Variants in SPECC1 observed in about 807,000 individuals in gnomAD.
The protein encoded by SPECC1 is sperm antigen with calponin homology and coiled-coil domains 1, also known as cytospin-B.
In SPECC1, 62 loss-of-function variants were observed where a neutral mutation model predicts 104.1. The observed-to-expected ratio is 0.60, with a 90% CI of 0.49 to 0.74. The LOEUF is 0.74. Among genes scored for constraint, SPECC1 ranks in the 30% least tolerant of loss-of-function variants. The pLI, the probability that SPECC1 is intolerant of heterozygous loss-of-function variation, is 0.00. For synonymous variants in SPECC1, 513 were observed against 501.6 expected (o/e 1.02, Z -0.30); for missense variants, 1,306 against 1,310.5 (o/e 1.00, Z 0.05).
intron 3 of SPECC1, chr17:20,112,727 G>A (rs770849402): frequency 7.5e-6 from 9 of 1,201,444 alleles, no homozygotes; most frequent in Non-Finnish European, 9.9e-6. Context: ...CGGTCTTAAA[G>A]CCAATTTAGA....
chr17:20,013,116 T>C (rs2152425943), intron 1 of SPECC1, among the ~76,000 whole-genome samples: 1 of 152,374 alleles, frequency 6.6e-6, no homozygotes, highest in South Asian at 2.1e-4. Context: ...AAAGGATATT[T>C]ATGTTGGTTC....
In SPECC1 at chr17:20,110,624, C is replaced by A. The variant is rs1335193545; in HGVS notation, c.283+62C>A. 1.6e-5 allele frequency: 24 copies of A among 1,524,158 alleles called. No homozygotes were observed. The South Asian group carries it at 2.8e-4, about 17-fold the overall frequency. The allele number at this position is 1,524,158 out of a possible 1,614,324, so 94.4% of individuals were successfully genotyped here. On this transcript the variant is annotated intron_variant, in intron 3 of 14. Coordinates refer to ENST00000395527, the MANE Select transcript of SPECC1 (RefSeq NM_001243439.2). ...CAGTCCTGGCCGCATGGAAGCACTT[C>A]AGTGACCCATGACCCATCCATTCCT...
chr17:20,025,824 A>G (rs1048396599), intron 1 of SPECC1, among the ~76,000 whole-genome samples: 4 of 152,138 alleles, frequency 2.6e-5, no homozygotes, highest in Non-Finnish European at 4.4e-5. Flanking sequence ...TACATTCCCA[A>G]CAGCAGCGAA....
intron 1 of SPECC1, among the ~76,000 whole-genome samples, chr17:20,076,958 A>G (rs948130903): frequency 6.6e-6 from 1 of 152,224 alleles, no homozygotes; most frequent in South Asian, 2.1e-4. Context: ...CATTTTTTAC[A>G]TGCTTGTTTA....
chr17:20,059,760 G>A (rs2046113967), intron 1 of SPECC1, among the ~76,000 whole-genome samples: 1 of 152,170 alleles, frequency 6.6e-6, no homozygotes, highest in Non-Finnish European at 1.5e-5. Context: ...TACTTGGGAG[G>A]CTAAGGCAGG....
At position 20,204,973 on chromosome 17, in the gene SPECC1, A is replaced by G; in HGVS notation, c.924A>G (p.Ala308=). ...ATAAAAAAAACATACATGGAAATGC[A>G]TTACGGACATCAGGCTCCTCAAGTA... The part of the protein sequence containing the change: ...DEYKKNIHGN[A]LRTSGSSSSD... Residue 308 remains alanine (A), a synonymous_variant, in exon 4 of 15, where the codon GCA becomes GCG. Transcript: ENST00000395527. 1.2e-6 allele frequency: 2 copies of G among 1,614,218 alleles called. No homozygotes were observed. Among genetic ancestry groups the G allele is most frequent in the East Asian group, 2.2e-5 (1 of 44,888 alleles).
intron 1 of SPECC1, among the ~76,000 whole-genome samples, chr17:20,076,062 A>T (rs1266166829): frequency 6.6e-6 from 1 of 152,170 alleles, no homozygotes; most frequent in Non-Finnish European, 1.5e-5. Context: ...GGTTACAATG[A>T]ACTATGATCT....
rs1387222223 is a variant in SPECC1 at position 20,314,329 on chromosome 17, T to C, written c.*264T>C. On this transcript the variant is annotated 3_prime_UTR_variant, in exon 15 of 15. Transcript: ENST00000395527. ...CTTCTAAAGAGGGCAGCCTCCCTCC[T>C]TCCAGACCAAGACCCCACACCCAGG... 8 of 474,856 alleles carry C rather than the reference T, an allele frequency of 1.7e-5. No individual in the cohort carries two copies. The South Asian group carries it at 1.9e-4, about 11-fold the overall frequency. The allele number at this position is 474,856 out of a possible 1,614,324, so 29.4% of individuals were successfully genotyped here. A position where few individuals can be genotyped will look rare whatever the true frequency, so the allele number is the denominator to read the frequency against.
At chr17:20,059,778 CT>C (rs1279732630) in intron 1 of SPECC1, among the ~76,000 whole-genome samples, 1 of 152,166 alleles carries the variant, frequency 6.6e-6, no homozygotes, top group Non-Finnish European at 1.5e-5. Flanking sequence ...AGGAGGATCC[CT>C]TGAGCCCAGG....
chr17:20,088,910 C>T (rs1240199585), intron 1 of SPECC1, among the ~76,000 whole-genome samples: 3 of 152,162 alleles, frequency 2.0e-5, no homozygotes, highest in African/African-American at 7.2e-5. Context: ...GCTCCCTTGC[C>T]CCTTCTGCCA....
intron 3 of SPECC1, among the ~76,000 whole-genome samples, chr17:20,143,679 C>CA (rs1162061049): frequency 6.6e-6 from 1 of 151,316 alleles, no homozygotes; most frequent in Non-Finnish European, 1.5e-5. Flanking sequence ...AAAAAAAAAA[C>CA]AAAAAAACAA....
intron 2 of SPECC1, among the ~76,000 whole-genome samples, chr17:20,101,451 A>G (rs1315686878): frequency 6.6e-6 from 1 of 152,194 alleles, no homozygotes; most frequent in African/African-American, 2.4e-5. Context: ...TGTTGGCTGC[A>G]TAAATGTCTT....
At chr17:20,253,441 T>G in intron 9 of SPECC1, 64 bp from the exon 10 acceptor site, 1 of 1,498,940 alleles carries the variant, frequency 6.7e-7, no homozygotes, top group Non-Finnish European at 9.3e-7. Context: ...CACACACACA[T>G]CTGTGTTTGT....
At chr17:20,049,324 G>C (rs762147147) in intron 1 of SPECC1, among the ~76,000 whole-genome samples, 1 of 152,144 alleles carries the variant, frequency 6.6e-6, no homozygotes, top group South Asian at 2.1e-4. Flanking sequence ...TGAGGAGCCA[G>C]GTGCGGTGGG....
intron 1 of SPECC1, among the ~76,000 whole-genome samples, chr17:20,091,360 T>G (rs4925082): frequency 6.6e-6 from 1 of 151,944 alleles, no homozygotes; most frequent in Non-Finnish European, 1.5e-5. Flanking sequence ...TAAGCAGATA[T>G]GTCATGTGCC....
chr17:20,076,959 T>C (rs2046784560), intron 1 of SPECC1, among the ~76,000 whole-genome samples: 1 of 152,254 alleles, frequency 6.6e-6, no homozygotes, highest in Non-Finnish European at 1.5e-5. Context: ...ATTTTTTACA[T>C]GCTTGTTTAC....
chr17:20,249,372 C>T (rs148160029), intron 9 of SPECC1, among the ~76,000 whole-genome samples: 3 of 152,038 alleles, frequency 2.0e-5, no homozygotes, highest in Non-Finnish European at 4.4e-5. Flanking sequence ...AAGCTGAGAT[C>T]GCGCCACTGC....
chr17:20,194,049 GAC>G (rs1429315761), intron 3 of SPECC1, among the ~76,000 whole-genome samples: 1 of 152,194 alleles, frequency 6.6e-6, no homozygotes, highest in Non-Finnish European at 1.5e-5. Context: ...TTTTACGAAA[GAC>G]AAATTATGGT....
chr17:20,180,497 TA>T (rs2034802535), intron 3 of SPECC1, among the ~76,000 whole-genome samples: 1 of 152,202 alleles, frequency 6.6e-6, no homozygotes. Context: ...GTAAGAAACA[TA>T]TTCTACTAAG....
Sources: gnomAD v4.1 joint callset for allele counts (sites outside exome capture counted in the v4.1 genomes callset) on GRCh38, gnomAD v4.1.1 for gene constraint, MANE v1.5 for transcripts, NCBI Gene and HGNC (gene_info 2026-07-23, HGNC 2026-07-21) for gene names.